The following NR3C2 variants were observed in gnomAD, a reference collection of about 807,000 sequenced individuals.
NR3C2 encodes mineralocorticoid receptor.
NR3C2 carries 15 observed loss-of-function variants against 86.4 expected under a neutral mutation model. That is an observed-to-expected ratio of 0.17 (90% CI 0.12 to 0.27). The LOEUF (loss-of-function observed/expected upper bound fraction) is 0.27. Ranked by LOEUF, NR3C2 falls within the 10% of genes least tolerant of loss-of-function variation. The pLI is 1.00. For synonymous variants in NR3C2, 458 were observed against 450.5 expected (o/e 1.02, Z -0.21); for missense variants, 960 against 1,195.6 (o/e 0.80, Z 2.91).
intron 4 of NR3C2, among the ~76,000 whole-genome samples, chr4:148,188,445 CCTTT>C (rs1405624083): frequency 1.3e-5 from 2 of 152,068 alleles, no homozygotes; most frequent in African/African-American, 4.8e-5. Flanking sequence ...TCTTTAGACT[CCTTT>C]CTTAGGTATA....
chr4:148,319,930 G>C (rs948469837), intron 2 of NR3C2, among the ~76,000 whole-genome samples: 4 of 143,672 alleles, frequency 2.8e-5, no homozygotes, highest in Admixed American at 1.4e-4. Flanking sequence ...TAGGAGTGGT[G>C]AGAGAGGGCA....
Position 148,079,480 on chromosome 4 carries a change from C to T in NR3C2, c.*1864G>A, listed in dbSNP as rs1396072156. 6.6e-6 allele frequency: 1 copy of T among 152,556 alleles called. No homozygotes were observed. Among genetic ancestry groups the T allele is most frequent in the Non-Finnish European group, 1.5e-5 (1 of 68,040 alleles). 9.5% of individuals were successfully genotyped at this position (152,556 alleles called of 1,614,324 possible). ...TCGTGGCCATGGGCTTCTCCAGCTA[C>T]AGCTTTTAGATTTTGGAAAATAATT... On this transcript the variant is annotated 3_prime_UTR_variant, in exon 9 of 9. Transcript: ENST00000358102.
intron 2 of NR3C2, among the ~76,000 whole-genome samples, chr4:148,406,391 A>G (rs1219688043): frequency 2.0e-5 from 3 of 152,190 alleles, no homozygotes; most frequent in Admixed American, 2.0e-4. Flanking sequence ...TGGATGGAGC[A>G]GTTTAAGCTG....
chr4:148,231,102 A>G (rs1178576574), intron 3 of NR3C2, among the ~76,000 whole-genome samples: 1 of 152,200 alleles, frequency 6.6e-6, no homozygotes, highest in Non-Finnish European at 1.5e-5. Flanking sequence ...TCCAATCTCT[A>G]TGACAGATTA....
chr4:148,340,462 T>C (rs563476309), intron 2 of NR3C2, among the ~76,000 whole-genome samples: 1 of 152,210 alleles, frequency 6.6e-6, no homozygotes, highest in South Asian at 2.1e-4. Flanking sequence ...CCCCTGTCTC[T>C]TACCATATGC....
intron 2 of NR3C2, among the ~76,000 whole-genome samples, chr4:148,391,866 C>CAAA (rs11384324): frequency 1.1e-4 from 12 of 111,680 alleles, no homozygotes; most frequent in African/African-American, 2.5e-4. Context: ...GACTCCATTG[C>CAAA]AAAAAAAAAA....
chr4:148,230,730 C>T (rs1738416547), intron 3 of NR3C2, among the ~76,000 whole-genome samples: 1 of 152,190 alleles, frequency 6.6e-6, no homozygotes, highest in Non-Finnish European at 1.5e-5. Context: ...AGCTTTCATG[C>T]TCAGTTATAA....
At chr4:148,434,879 T>G (rs1749962716) in intron 2 of NR3C2, among the ~76,000 whole-genome samples, 1 of 152,208 alleles carries the variant, frequency 6.6e-6, no homozygotes, top group African/African-American at 2.4e-5. Context: ...CACCTACATA[T>G]GCCCCTTCAA....
At chr4:148,223,644 T>G (rs563034110) in intron 3 of NR3C2, among the ~76,000 whole-genome samples, 2 of 152,198 alleles carry the variant, frequency 1.3e-5, no homozygotes, top group Non-Finnish European at 2.9e-5. Context: ...GTCTGTCAAG[T>G]GAAAGAGAAG....
intron 2 of NR3C2, among the ~76,000 whole-genome samples, chr4:148,268,876 AATTAAGTGACTG>A (rs1312790179): frequency 2.6e-5 from 4 of 151,966 alleles, no homozygotes; most frequent in Non-Finnish European, 5.9e-5. Context: ...TAAAGGATAC[AATTAAGTGACTG>A]ATTACAACTT....
intron 6 of NR3C2, among the ~76,000 whole-genome samples, chr4:148,144,155 C>G (rs981188348): frequency 1.3e-5 from 2 of 152,094 alleles, no homozygotes; most frequent in African/African-American, 4.8e-5. Flanking sequence ...TCCATTTCTT[C>G]CAGAACTTCC....
At chr4:148,432,135 A>C (rs1749824929) in intron 2 of NR3C2, among the ~76,000 whole-genome samples, 1 of 152,174 alleles carries the variant, frequency 6.6e-6, no homozygotes. Flanking sequence ...CCAAACAAAA[A>C]TCCTTAGTGA....
rs1738258882 is a variant in NR3C2 at position 148,227,950 on chromosome 4, G to C, written c.1897+32028C>G. ...CTGCTTAAAGATCCTGACTCTTTTT[G>C]GTGGTGAATGGTATTAAGAAGTCAA... On this transcript the variant is annotated intron_variant, in intron 3 of 8. Coordinates refer to ENST00000358102, the MANE Select transcript of NR3C2 (RefSeq NM_000901.5). Among the ~76,000 whole-genome samples the C allele has an allele frequency of 2.6e-5, 4 of 152,040 alleles. No individual in the cohort carries two copies. In the South Asian group the frequency reaches 8.3e-4, roughly 32 times the overall value.
At chr4:148,323,893 T>G (rs1743801448) in intron 2 of NR3C2, among the ~76,000 whole-genome samples, 1 of 152,214 alleles carries the variant, frequency 6.6e-6, no homozygotes, top group South Asian at 2.1e-4. Flanking sequence ...TTGGCCATCT[T>G]GGCTCCTCCC....
intron 2 of NR3C2, among the ~76,000 whole-genome samples, chr4:148,326,877 G>T (rs1743995988): frequency 6.6e-6 from 1 of 152,046 alleles, no homozygotes; most frequent in South Asian, 2.1e-4. Context: ...AAATTAATCT[G>T]CTGTGTAAAT....
At chr4:148,409,563 A>G (rs998229743) in intron 2 of NR3C2, among the ~76,000 whole-genome samples, 2 of 152,184 alleles carry the variant, frequency 1.3e-5, no homozygotes, top group Non-Finnish European at 1.5e-5. Flanking sequence ...GACAGAAAGC[A>G]TATTAGAAAT....
intron 2 of NR3C2, among the ~76,000 whole-genome samples, chr4:148,424,314 T>C (rs1011298330): frequency 1.1e-4 from 16 of 152,240 alleles, no homozygotes; most frequent in Non-Finnish European, 2.1e-4. Flanking sequence ...TGTAATGAAC[T>C]GGGCCTCTAA....
At chr4:148,390,362 G>A (rs1512340) in intron 2 of NR3C2, among the ~76,000 whole-genome samples, 67 of 152,142 alleles carry the variant, frequency 4.4e-4, no homozygotes, top group African/African-American at 1.3e-3. Context: ...ATCTTGGGGT[G>A]GAGTTATAAT....
intron 3 of NR3C2, among the ~76,000 whole-genome samples, chr4:148,203,297 T>G (rs1736824823): frequency 6.6e-6 from 1 of 152,126 alleles, no homozygotes; most frequent in Non-Finnish European, 1.5e-5. Flanking sequence ...CCAGACCTTA[T>G]GTACAATGTA....
Sources: gnomAD v4.1 joint callset for allele counts (sites outside exome capture counted in the v4.1 genomes callset) on GRCh38, gnomAD v4.1.1 for gene constraint, MANE v1.5 for transcripts, NCBI Gene and HGNC (gene_info 2026-07-23, HGNC 2026-07-21) for gene names.